The following C12orf50 variants were observed in gnomAD, a reference collection of about 807,000 sequenced individuals.
The protein encoded by C12orf50 is zinc finger CCCH-type containing 11D.
Under a neutral mutation model 61.6 loss-of-function variants are expected in C12orf50, and 35 were observed. The ratio of observed to expected loss-of-function variants is 0.57; its 90% CI spans 0.43 to 0.75. C12orf50 has a LOEUF of 0.75. Among genes scored for constraint, C12orf50 ranks in the 30% least tolerant of loss-of-function variants. The probability of loss-of-function intolerance (pLI) is 0.00; values close to 1 mark genes in which losing one functional copy is unlikely to be tolerated. For missense variants in C12orf50, 475 were observed against 488.5 expected (o/e 0.97, Z 0.26); for synonymous variants, 178 against 161.5 (o/e 1.10, Z -0.77).
chr12:87,984,886 A>G (rs1347622760), intron 11 of C12orf50: 3 of 152,118 alleles, frequency 2.0e-5, no homozygotes, highest in African/African-American at 4.8e-5. Flanking sequence ...AACAATAACA[A>G]TATCAGTAAA....
chr12:88,026,834 T>TA, intron 2 of C12orf50, 117 bp downstream of exon 2: 1 of 1,472,892 alleles, frequency 6.8e-7, no homozygotes, highest in Non-Finnish European at 9.1e-7. Context: ...GCAAAATGCC[T>TA]AAAATCAAAT....
chr12:87,985,853 G>C lies in C12orf50; in HGVS notation c.1123C>G (p.Pro375Ala), dbSNP rs575082386. The C allele has an allele frequency of 6.2e-7, 1 of 1,612,228 alleles. No individual in the cohort carries two copies. Among genetic ancestry groups the C allele is most frequent in the South Asian group, 1.1e-5 (1 of 91,012 alleles). ...CCACATCAACAAAGGACCTCACCTGGACTGAGGTTGGGTTTGGGTTCCCTG... is the reference window on the plus strand; with the variant it reads ...CCACATCAACAAAGGACCTCACCTGCACTGAGGTTGGGTTTGGGTTCCCTG... ...ANREPKPNLSPDKYTSTSYND... is the reference protein window; with the variant it reads ...ANREPKPNLSADKYTSTSYND... The change falls in exon 11 of 13, where the codon CCA becomes GCA. Residue 375 changes from proline (P) to alanine (A), a missense_variant. Pro to Ala is a conservative substitution (Grantham distance 27). Transcript: ENST00000298699.
intron 1 of C12orf50, chr12:88,029,077 G>T (rs1442018478): frequency 7.8e-6 from 10 of 1,284,878 alleles, no homozygotes; most frequent in Non-Finnish European, 1.0e-5. Context: ...CTTTATGCAT[G>T]TGGAATTAAA....
At chr12:88,005,208 G>C (rs1490670747) in intron 3 of C12orf50, among the ~76,000 whole-genome samples, 2 of 152,142 alleles carry the variant, frequency 1.3e-5, no homozygotes, top group Admixed American at 6.5e-5. Context: ...TAGCAACTCT[G>C]AATATTGACT....
intron 7 of C12orf50, among the ~76,000 whole-genome samples, chr12:87,992,371 T>C (rs1487836367): frequency 6.6e-6 from 1 of 152,020 alleles, no homozygotes; most frequent in Non-Finnish European, 1.5e-5. Flanking sequence ...CAAGAATCAA[T>C]TGTGTGTGTG....
chr12:88,026,939 A>G lies in C12orf50; in HGVS notation c.12+12T>C. 1.9e-6 allele frequency: 3 copies of G among 1,606,318 alleles called. No individual in the cohort carries two copies. Among genetic ancestry groups the G allele is most frequent in the Non-Finnish European group, 2.5e-6 (3 of 1,178,088 alleles). ...ACTTTTTGACAAAAATGATGACGCCAAGTAATTCTACCTGCATTTCCATGT... is the reference window on the plus strand; with the variant it reads ...ACTTTTTGACAAAAATGATGACGCCGAGTAATTCTACCTGCATTTCCATGT... On this transcript the variant is annotated intron_variant, in intron 2 of 12. Coordinates refer to ENST00000298699, the MANE Select transcript of C12orf50 (RefSeq NM_152589.3).
intron 9 of C12orf50, among the ~76,000 whole-genome samples, chr12:87,986,680 A>C (rs1275966715): frequency 1.3e-5 from 2 of 151,860 alleles, no homozygotes; most frequent in Non-Finnish European, 2.9e-5. Context: ...GAATGTGTGG[A>C]TTCTTTTAAA....
intron 3 of C12orf50, 34 bp downstream of exon 3, chr12:88,026,454 T>C (rs747029904): frequency 5.6e-6 from 9 of 1,602,490 alleles, no homozygotes; most frequent in Admixed American, 3.4e-5. Flanking sequence ...GATTAGAATA[T>C]GGTAAGTCTA....
intron 3 of C12orf50, among the ~76,000 whole-genome samples, chr12:88,003,534 G>A (rs1275647957): frequency 6.6e-6 from 1 of 151,926 alleles, no homozygotes; most frequent in South Asian, 2.1e-4. Context: ...TTCTTTGAAT[G>A]TCTTTGTTTG....
chr12:87,980,159 A>G lies in C12orf50; in HGVS notation c.*172T>C. On this transcript the variant is annotated 3_prime_UTR_variant, in exon 13 of 13. Coordinates refer to ENST00000298699, the MANE Select transcript of C12orf50 (RefSeq NM_152589.3). ...GCATTTTTATCAGTTTTGAAAGAGC[A>G]CAATGTACTTCCTGCATCTTATTTT... The G allele has an allele frequency of 1.6e-6, 1 of 634,452 alleles. No individual in the cohort carries two copies. Among genetic ancestry groups the G allele is most frequent in the South Asian group, 2.1e-5 (1 of 47,052 alleles). The allele number at this position is 634,452 out of a possible 1,614,324, so 39.3% of individuals were successfully genotyped here. A position where few individuals can be genotyped will look rare whatever the true frequency, so the allele number is the denominator to read the frequency against.
intron 7 of C12orf50, among the ~76,000 whole-genome samples, chr12:87,991,753 A>G (rs1396238158): frequency 1.3e-5 from 2 of 152,186 alleles, no homozygotes; most frequent in Non-Finnish European, 2.9e-5. Context: ...AATTGTGGGT[A>G]AGGATACAGA....
At chr12:87,983,695 C>T (rs2030646261) in intron 11 of C12orf50, 1 of 150,522 alleles carries the variant, frequency 6.6e-6, no homozygotes, top group Non-Finnish European at 1.5e-5. Context: ...CCAGTTTCAT[C>T]CATGTCCCTA....
chr12:88,019,363 A>G (rs2032429923), intron 3 of C12orf50, among the ~76,000 whole-genome samples: 1 of 152,146 alleles, frequency 6.6e-6, no homozygotes, highest in African/African-American at 2.4e-5. Context: ...GCCTCCCCAG[A>G]CATGTGGAAC....
chr12:88,029,661 T>G (rs2032827873), upstream of C12orf50, among the ~76,000 whole-genome samples: 1 of 152,188 alleles, frequency 6.6e-6, no homozygotes. Flanking sequence ...ATTTCACAAG[T>G]AAACAGCTAT....
chr12:88,001,672 C>T (rs2031659716), intron 3 of C12orf50, among the ~76,000 whole-genome samples: 1 of 151,310 alleles, frequency 6.6e-6, no homozygotes, highest in East Asian at 1.9e-4. Flanking sequence ...CTCTTTATTC[C>T]TATAGATGTA....
chr12:88,023,294 T>C (rs2032584973), intron 3 of C12orf50, among the ~76,000 whole-genome samples: 1 of 152,106 alleles, frequency 6.6e-6, no homozygotes. Context: ...CTGGAATAAC[T>C]GGCTTGCCAT....
intron 3 of C12orf50, among the ~76,000 whole-genome samples, chr12:88,014,549 T>TCGGCCTC (rs2032240862): frequency 6.6e-6 from 1 of 152,154 alleles, no homozygotes; most frequent in Admixed American, 6.5e-5. Flanking sequence ...TCCGCCCGCC[T>TCGGCCTC]CGGCCTCCCA....
chr12:88,029,176 A>ACAG, intron 1 of C12orf50, 164 bp downstream of exon 1: 1 of 1,089,474 alleles, frequency 9.2e-7, no homozygotes, highest in Non-Finnish European at 1.2e-6. Flanking sequence ...AATATATATG[A>ACAG]ATTTCAGGAA....
chr12:87,990,965 T>C (rs1429181704), intron 7 of C12orf50, among the ~76,000 whole-genome samples: 1 of 152,058 alleles, frequency 6.6e-6, no homozygotes, highest in Non-Finnish European at 1.5e-5. Flanking sequence ...ACATACTGCT[T>C]GGGAGGTAAA....
Sources: gnomAD v4.1 joint callset for allele counts (sites outside exome capture counted in the v4.1 genomes callset) on GRCh38, gnomAD v4.1.1 for gene constraint, MANE v1.5 for transcripts, NCBI Gene and HGNC (gene_info 2026-07-23, HGNC 2026-07-21) for gene names.